Variants in CPPED1 observed in about 807,000 individuals in gnomAD.
The protein encoded by CPPED1 is serine/threonine-protein phosphatase CPPED1.
In CPPED1, 28 loss-of-function variants were observed where a neutral mutation model predicts 28.0. The ratio of observed to expected loss-of-function variants is 1.00; its 90% CI spans 0.74 to 1.37. The LOEUF is 1.37. Among genes scored for constraint, CPPED1 ranks in the 40% most tolerant of loss-of-function variants. The pLI, the probability that CPPED1 is intolerant of heterozygous loss-of-function variation, is 0.00. For synonymous variants in CPPED1, 198 were observed against 180.2 expected, an observed-to-expected ratio of 1.10 and a Z score of -0.79; for missense variants, 504 against 416.5, an observed-to-expected ratio of 1.21 and a Z score of -1.83.
At chr16:12,688,898 G>A (rs963700674) in intron 3 of CPPED1, among the ~76,000 whole-genome samples, 4 of 152,180 alleles carry the variant, frequency 2.6e-5, no homozygotes, top group Admixed American at 1.3e-4. Flanking sequence ...AGCAAAACAC[G>A]ACACACAGTC....
intron 2 of CPPED1, among the ~76,000 whole-genome samples, chr16:12,764,401 C>T (rs778470038): frequency 2.0e-5 from 3 of 152,062 alleles, no homozygotes; most frequent in Non-Finnish European, 2.9e-5. Flanking sequence ...AGGGGTTTCA[C>T]CATGCTGGCC....
In CPPED1 at chr16:12,713,115, A is replaced by G. The variant is rs192309413; in HGVS notation, c.290-8066T>C. The stretch of plus-strand genomic sequence containing the variant: ...TCGAAATAAGTTCTTAAAAAAAAAA[A>G]TCGCAGTGGGTAAATTCAATTTAAA... On this transcript the variant is annotated intron_variant, in intron 2 of 3. Coordinates refer to ENST00000381774, the MANE Select transcript of CPPED1 (RefSeq NM_018340.3). Among the ~76,000 whole-genome samples, 33 of 149,064 alleles carry G rather than the reference A, an allele frequency of 2.2e-4. No homozygotes were observed. In the East Asian group the frequency reaches 4.7e-3, roughly 21 times the overall value.
chr16:12,703,431 C>T (rs893396240), intron 3 of CPPED1, among the ~76,000 whole-genome samples: 9 of 152,132 alleles, frequency 5.9e-5, no homozygotes, highest in African/African-American at 1.2e-4. Context: ...GATCACGTCC[C>T]GTGGCCTTGG....
At chr16:12,688,846 A>G (rs765178298) in intron 3 of CPPED1, among the ~76,000 whole-genome samples, 18 of 152,238 alleles carry the variant, frequency 1.2e-4, no homozygotes, top group Middle Eastern at 3.4e-3. Flanking sequence ...AAAATACCTG[A>G]CCCCAATGTC....
chr16:12,776,212 G>T (rs1229201490), intron 2 of CPPED1, among the ~76,000 whole-genome samples: 2 of 152,160 alleles, frequency 1.3e-5, no homozygotes, highest in African/African-American at 4.8e-5. Context: ...GGCTTTGAAG[G>T]CAGAAGAAGG....
intron 1 of CPPED1, among the ~76,000 whole-genome samples, chr16:12,784,207 G>A (rs2080549126): frequency 6.6e-6 from 1 of 152,166 alleles, no homozygotes; most frequent in Non-Finnish European, 1.5e-5. Context: ...CCAATGTGCT[G>A]AGGAACAGAG....
intron 3 of CPPED1, 110 bp from the exon 4 acceptor site, chr16:12,665,225 C>T (rs2079819246): frequency 2.2e-6 from 2 of 890,476 alleles, no homozygotes; most frequent in East Asian, 3.1e-5. Context: ...ATTATTATAC[C>T]ATCATGTAGA....
In CPPED1 at chr16:12,664,528, T is replaced by G. The variant is rs993157797; in HGVS notation, c.*358A>C. Reference sequence around the variant, plus strand: ...TCAAAGATCATACTTGGCTGTCAGATTGGAATTGAGGTCGATAGGCAGACT... The same window carrying G: ...TCAAAGATCATACTTGGCTGTCAGAGTGGAATTGAGGTCGATAGGCAGACT... On this transcript the variant is annotated 3_prime_UTR_variant, in exon 4 of 4. Transcript: ENST00000381774. This position sits in a 1 kb window ranked among gnomAD's most constrained non-coding sequence, Gnocchi z 4.2. 4 of 1,072,790 alleles carry G rather than the reference T, an allele frequency of 3.7e-6. No homozygotes were observed. In the African/African-American group the frequency reaches 6.9e-5, roughly 18 times the overall value. 66.5% of individuals were successfully genotyped at this position (1,072,790 alleles called of 1,614,324 possible).
intron 2 of CPPED1, among the ~76,000 whole-genome samples, chr16:12,772,418 C>G (rs2080475282): frequency 6.6e-6 from 1 of 152,180 alleles, no homozygotes; most frequent in African/African-American, 2.4e-5. Flanking sequence ...ACTTTTGCAG[C>G]CATATCTGCA....
chr16:12,690,834 C>T (rs2079958738), intron 3 of CPPED1, among the ~76,000 whole-genome samples: 1 of 152,154 alleles, frequency 6.6e-6, no homozygotes, highest in Non-Finnish European at 1.5e-5. Flanking sequence ...AAGTAGGCTC[C>T]ACGGACCCTC....
chr16:12,765,291 G>A (rs937537837), intron 2 of CPPED1, among the ~76,000 whole-genome samples: 6 of 152,258 alleles, frequency 3.9e-5, no homozygotes, highest in African/African-American at 1.2e-4. Flanking sequence ...GCTTCATCAC[G>A]TTCTACCAGT....
At chr16:12,756,893 TAG>T (rs71820045) in intron 2 of CPPED1, among the ~76,000 whole-genome samples, 8,267 of 152,158 alleles carry the variant, frequency 0.054, 769 homozygotes, top group African/African-American at 0.19. Context: ...TGTTTCCCCC[TAG>T]AGAGTATTAA....
Position 12,670,109 on chromosome 16 carries a change from C to A in CPPED1, c.716-4994G>T, listed in dbSNP as rs1052834470. Among the ~76,000 whole-genome samples the A allele has an allele frequency of 6.6e-6, 1 of 152,064 alleles. No individual in the cohort carries two copies. Among genetic ancestry groups the A allele is most frequent in the African/African-American group, 2.4e-5 (1 of 41,400 alleles). ...AGGCCAGGAGTTCGACCAGCCTGGG[C>A]AACACAGTGAGATCCCGTCTCTACA... On this transcript the variant is annotated intron_variant, in intron 3 of 3. Transcript: ENST00000381774. The surrounding 1 kb of genome is among the most constrained non-coding windows in gnomAD (Gnocchi z 4.2).
At chr16:12,787,640 C>T (rs778775385) in intron 1 of CPPED1, among the ~76,000 whole-genome samples, 3 of 151,724 alleles carry the variant, frequency 2.0e-5, no homozygotes, top group Non-Finnish European at 4.4e-5. Flanking sequence ...CTCCTGACCT[C>T]GTGATCTGCC....
At chr16:12,780,586 A>G (rs905494728) in intron 2 of CPPED1, among the ~76,000 whole-genome samples, 10 of 152,164 alleles carry the variant, frequency 6.6e-5, no homozygotes, top group Admixed American at 5.2e-4. Context: ...GAGAGCCTGA[A>G]CGTAAATGAG....
chr16:12,736,667 T>C (rs1009477580), intron 2 of CPPED1, among the ~76,000 whole-genome samples: 5 of 152,212 alleles, frequency 3.3e-5, no homozygotes, highest in African/African-American at 1.2e-4. Context: ...TATTCTTCCA[T>C]TTGCTTAACC....
chr16:12,752,870 TAATATAATA>T (rs2080339168), intron 2 of CPPED1: 1 of 146,834 alleles, frequency 6.8e-6, no homozygotes, highest in African/African-American at 2.5e-5. Context: ...TACTATTTAT[TAATATAATA>T]TATAATTACA....
At chr16:12,672,422 A>G (rs2079857089) in intron 3 of CPPED1, among the ~76,000 whole-genome samples, 1 of 152,238 alleles carries the variant, frequency 6.6e-6, no homozygotes, top group African/African-American at 2.4e-5. Flanking sequence ...GTTAAATGAC[A>G]TTATGCGCAT....
At chr16:12,668,688 T>C (rs2079838714) in intron 3 of CPPED1, among the ~76,000 whole-genome samples, 1 of 152,206 alleles carries the variant, frequency 6.6e-6, no homozygotes, top group African/African-American at 2.4e-5. Context: ...AACAGACATT[T>C]CTTCAAAGGA....
Sources: gnomAD v4.1 joint callset for allele counts (sites outside exome capture counted in the v4.1 genomes callset) on GRCh38, gnomAD v4.1.1 for gene constraint, Gnocchi (gnomAD v3.1) non-coding constraint, MANE v1.5 for transcripts, NCBI Gene and HGNC (gene_info 2026-07-23, HGNC 2026-07-21) for gene names.